The following PCDHA10 variants were observed in gnomAD, a reference collection of about 807,000 sequenced individuals.
PCDHA10 encodes protocadherin alpha 10, also known as protocadherin alpha-10.
A neutral mutation model predicts 61.2 loss-of-function variants in PCDHA10; 45 were observed. That is an observed-to-expected ratio of 0.74 (90% confidence interval 0.58 to 0.94). The LOEUF is 0.94. Ranked by LOEUF, PCDHA10 falls within the 40% of genes least tolerant of loss-of-function variation. The pLI is 0.00. For synonymous variants in PCDHA10, 602 were observed against 548.8 expected, an observed-to-expected ratio of 1.10 and a Z score of -1.35; for missense variants, 1,278 against 1,236.2, an observed-to-expected ratio of 1.03 and a Z score of -0.51.
chr5:141,004,619 G>C (rs1004302739), intron 3 of PCDHA10, among the ~76,000 whole-genome samples: 9 of 152,136 alleles, frequency 5.9e-5, no homozygotes, highest in Non-Finnish European at 1.0e-4. Context: ...GCAGAGTCCT[G>C]GTTATGGTTG....
intron 1 of PCDHA10, among the ~76,000 whole-genome samples, chr5:140,903,212 A>C (rs1387552422): frequency 6.6e-6 from 1 of 152,192 alleles, no homozygotes; most frequent in African/African-American, 2.4e-5. Flanking sequence ...CACCACATTC[A>C]TGCCAACATC....
chr5:140,919,301 A>G (rs1278715166), intron 1 of PCDHA10, among the ~76,000 whole-genome samples: 1 of 152,158 alleles, frequency 6.6e-6, no homozygotes, highest in African/African-American at 2.4e-5. Context: ...CTGTTTGTAC[A>G]ATATATGTTT....
chr5:140,886,129 A>G (rs1428853250), intron 1 of PCDHA10, among the ~76,000 whole-genome samples: 1 of 152,224 alleles, frequency 6.6e-6, no homozygotes, highest in Non-Finnish European at 1.5e-5. Flanking sequence ...TTCCGTAACA[A>G]CCAGATTCTT....
At chr5:140,870,505 C>T in intron 1 of PCDHA10, 1 of 1,614,220 alleles carries the variant, frequency 6.2e-7, no homozygotes, top group Non-Finnish European at 8.5e-7. Context: ...GGAGAACAAC[C>T]CACCAGGCTG....
intron 1 of PCDHA10, chr5:140,875,638 C>G (rs2055668574): frequency 6.2e-7 from 1 of 1,613,532 alleles, no homozygotes; most frequent in Non-Finnish European, 8.5e-7. Context: ...GGGGCTGGAG[C>G]TGGCGGAGCT....
At chr5:140,884,296 ACAGG>A in intron 1 of PCDHA10, 1 of 1,613,674 alleles carries the variant, frequency 6.2e-7, no homozygotes, top group Non-Finnish European at 8.5e-7. Flanking sequence ...GCCAAGCGCC[ACAGG>A]CTTCGTCGAG....
chr5:140,869,401 G>T, intron 1 of PCDHA10: 1 of 1,614,222 alleles, frequency 6.2e-7, no homozygotes, highest in South Asian at 1.1e-5. Flanking sequence ...CGGGCAGAGC[G>T]CGGAGTGCAG....
At chr5:140,875,878 A>T in intron 1 of PCDHA10, 1 of 1,614,212 alleles carries the variant, frequency 6.2e-7, no homozygotes, top group Non-Finnish European at 8.5e-7. Flanking sequence ...GTTCAGAGAA[A>T]GGGAACAAAA....
chr5:140,987,214 A>G (rs78124050), intron 3 of PCDHA10, among the ~76,000 whole-genome samples: 3 of 131,916 alleles, frequency 2.3e-5, no homozygotes, highest in Admixed American at 2.2e-4. Context: ...ACTCCATCTC[A>G]AAAAAAAAAA....
rs782001586 is a variant in PCDHA10, at chr5:140,856,004, T to C, written c.-45T>C. 6.5e-7 allele frequency: 1 copy of C among 1,538,284 alleles called. No individual in the cohort carries two copies. The highest frequency in any genetic ancestry group is 8.8e-7 in the Non-Finnish European group (1 of 1,135,618). ...AGAAAATGTCAGATCGTATGTGCGTTCTAGACCGCTGATTCGTCGATTTGT... is the reference window on the plus strand; with the variant it reads ...AGAAAATGTCAGATCGTATGTGCGTCCTAGACCGCTGATTCGTCGATTTGT... On this transcript the variant is annotated 5_prime_UTR_variant, in exon 1 of 4. Coordinates refer to ENST00000307360, the MANE Select transcript of PCDHA10 (RefSeq NM_018901.4).
chr5:140,920,029 T>C (rs1584162393), intron 1 of PCDHA10, among the ~76,000 whole-genome samples: 1 of 152,118 alleles, frequency 6.6e-6, no homozygotes, highest in African/African-American at 2.4e-5. Flanking sequence ...GAGACAGAGA[T>C]TGGAGTGATG....
chr5:140,981,685 C>G lies in PCDHA10; in HGVS notation c.2448-790C>G, dbSNP rs369964011. 6.6e-4 allele frequency among the ~76,000 whole-genome samples: 101 copies of G among 152,166 alleles called. No individual in the cohort carries two copies. In the South Asian group the frequency reaches 0.018, roughly 27 times the overall value. ...TCCTTCCTTTCTTCCTTCCTCCCTT[C>G]CATCATTCATTCATTCATTCATTCA... On this transcript the variant is annotated intron_variant, in intron 2 of 3. Transcript: ENST00000307360.
At chr5:140,869,964 T>C (rs546576795) in intron 1 of PCDHA10, 1 of 1,613,046 alleles carries the variant, frequency 6.2e-7, no homozygotes, top group Non-Finnish European at 8.5e-7. Context: ...TTAAGCCCAA[T>C]GGAAGACACT....
chr5:140,941,202 C>CCTTTCTTCCTTCCTTT (rs1394736170), intron 1 of PCDHA10, among the ~76,000 whole-genome samples: 7 of 122,740 alleles, frequency 5.7e-5, no homozygotes, highest in African/African-American at 1.5e-4. Context: ...TTTCTTTCTT[C>CCTTTCTTCCTTCCTTT]CTTTCTTTCT....
intron 1 of PCDHA10, among the ~76,000 whole-genome samples, chr5:140,873,038 G>A (rs1304592086): frequency 1.3e-5 from 2 of 152,120 alleles, no homozygotes; most frequent in Admixed American, 6.5e-5. Context: ...CACGTAGAGT[G>A]GTGGTATTAC....
intron 1 of PCDHA10, chr5:140,870,411 C>T: frequency 6.2e-7 from 1 of 1,614,212 alleles, no homozygotes; most frequent in East Asian, 2.2e-5. Context: ...CTCTGTGGGC[C>T]ACGGCCAGGG....
chr5:140,857,904 T>A lies in PCDHA10; in HGVS notation c.1856T>A (p.Ile619Asn), dbSNP rs781796196. ...CAGTCGGCGGCGGTTGGTGCACGCATCCCGTTTCGCGTGGGGCTGTACACG... is the reference window on the plus strand; with the variant it reads ...CAGTCGGCGGCGGTTGGTGCACGCAACCCGTTTCGCGTGGGGCTGTACACG... Reference protein sequence around the residue: ...ELQSAAVGARIPFRVGLYTGE... With the variant: ...ELQSAAVGARNPFRVGLYTGE... Residue 619 changes from isoleucine to asparagine, a missense_variant, in exon 1 of 4, where the codon ATC (isoleucine) becomes AAC (asparagine). Ile to Asn is a moderately radical substitution (Grantham distance 149, BLOSUM62 -3). Coordinates refer to ENST00000307360, the MANE Select transcript of PCDHA10 (RefSeq NM_018901.4). 3 of 1,597,710 alleles carry A rather than the reference T, an allele frequency of 1.9e-6. No individual in the cohort carries two copies. The highest frequency in any genetic ancestry group is 3.4e-5 in the Admixed American group (2 of 59,262).
chr5:140,967,090 G>A (rs1320117719), intron 1 of PCDHA10: 2 of 1,613,240 alleles, frequency 1.2e-6, no homozygotes, highest in African/African-American at 2.7e-5. Context: ...TTGATCGGGA[G>A]GCGCTGTGTG....
chr5:140,972,469 C>G (rs782470724), intron 1 of PCDHA10, among the ~76,000 whole-genome samples: 6 of 152,054 alleles, frequency 3.9e-5, no homozygotes, highest in Admixed American at 3.9e-4. Context: ...TATTAAACAT[C>G]AGCATTTAAC....
Sources: gnomAD v4.1 joint callset for allele counts (sites outside exome capture counted in the v4.1 genomes callset) on GRCh38, gnomAD v4.1.1 for gene constraint, MANE v1.5 for transcripts, NCBI Gene and HGNC (gene_info 2026-07-23, HGNC 2026-07-21) for gene names.